The following GRM7 variants were observed in gnomAD, a reference collection of about 807,000 sequenced individuals.
GRM7 encodes the protein glutamate metabotropic receptor 7, also known as metabotropic glutamate receptor 7.
In GRM7, 35 loss-of-function variants were observed where a neutral mutation model predicts 84.5. The ratio of observed to expected loss-of-function variants is 0.41; its 90% CI spans 0.32 to 0.55. GRM7 has a LOEUF of 0.55. GRM7 is among the 20% of genes least tolerant of loss of function. The pLI is 0.19. For synonymous variants in GRM7, 487 were observed against 455.1 expected (o/e 1.07, Z -0.89); for missense variants, 1,003 against 1,194.6 (o/e 0.84, Z 2.36).
intron 1 of GRM7, among the ~76,000 whole-genome samples, chr3:7,114,113 A>T (rs561523853): frequency 6.6e-6 from 1 of 152,164 alleles, no homozygotes; most frequent in Non-Finnish European, 1.5e-5. Flanking sequence ...TGTGTGACTT[A>T]ATGGAGATAA....
intron 1 of GRM7, among the ~76,000 whole-genome samples, chr3:7,065,617 G>A (rs556692498): frequency 1.6e-4 from 24 of 152,036 alleles, no homozygotes; most frequent in Non-Finnish European, 2.2e-4. Flanking sequence ...TTGAAATCAC[G>A]TAGTGTGATT....
chr3:7,705,351 A>T (rs1307812435), intron 9 of GRM7, among the ~76,000 whole-genome samples: 1 of 152,164 alleles, frequency 6.6e-6, no homozygotes, highest in Non-Finnish European at 1.5e-5. Flanking sequence ...CCCCACAATC[A>T]TTATCTAAAC....
chr3:6,923,667 C>T (rs1559331101), intron 1 of GRM7, among the ~76,000 whole-genome samples: 4 of 152,148 alleles, frequency 2.6e-5, no homozygotes, highest in African/African-American at 4.8e-5. Context: ...AGAAACACAT[C>T]AACACTTATT....
At chr3:6,887,045 C>G (rs78045604) in intron 1 of GRM7, among the ~76,000 whole-genome samples, 3 of 151,902 alleles carry the variant, frequency 2.0e-5, no homozygotes, top group Non-Finnish European at 2.9e-5. Flanking sequence ...AACTTCCATA[C>G]ATCTGATTTG....
At position 7,021,138 on chromosome 3, in the gene GRM7, C is replaced by A. The variant is rs527338083; in HGVS notation, c.520-125314C>A. On this transcript the variant is annotated intron_variant, in intron 1 of 9. Transcript: ENST00000357716. ...AATATACTTTCTCTCTCCTCCCCAG[C>A]AAATGATGCCCCTTAAATTGATCAA... 1.9e-3 allele frequency among the ~76,000 whole-genome samples: 289 copies of A among 152,268 alleles called. 1 individual carries two copies. Among genetic ancestry groups the A allele is most frequent in the African/African-American group, 6.4e-3 (265 of 41,562 alleles).
At chr3:7,693,154 T>C (rs987834385) in intron 9 of GRM7, among the ~76,000 whole-genome samples, 34 of 152,166 alleles carry the variant, frequency 2.2e-4, no homozygotes, top group African/African-American at 8.2e-4. Context: ...TTGATGATCA[T>C]ATTTGACATC....
chr3:7,062,864 A>G (rs1410383278), intron 1 of GRM7, among the ~76,000 whole-genome samples: 5 of 151,804 alleles, frequency 3.3e-5, no homozygotes, highest in Non-Finnish European at 5.9e-5. Flanking sequence ...TGTTCATAGT[A>G]GAATAGCTCT....
At chr3:7,709,943 A>G (rs923133342) in intron 9 of GRM7, among the ~76,000 whole-genome samples, 1 of 151,984 alleles carries the variant, frequency 6.6e-6, no homozygotes, top group African/African-American at 2.4e-5. Context: ...CGCCCTCCTG[A>G]CCCAAGCTCC....
chr3:7,659,535 G>A (rs7636556), intron 8 of GRM7, among the ~76,000 whole-genome samples: 17,675 of 152,128 alleles, frequency 0.12, 1,857 homozygotes, highest in African/African-American at 0.28. Flanking sequence ...TCTCCTCATA[G>A]GTTATAAAAT....
intron 5 of GRM7, among the ~76,000 whole-genome samples, chr3:7,426,337 C>G (rs1163736483): frequency 6.6e-6 from 1 of 152,038 alleles, no homozygotes; most frequent in African/African-American, 2.4e-5. Flanking sequence ...CAGGTTTCTA[C>G]AAGACTAAAA....
chr3:7,195,529 A>G (rs1318531798), intron 2 of GRM7, among the ~76,000 whole-genome samples: 2 of 152,068 alleles, frequency 1.3e-5, no homozygotes, highest in African/African-American at 4.8e-5. Flanking sequence ...GAAATTTGGG[A>G]TTTTGGACTA....
At chr3:6,994,735 C>A (rs1320847770) in intron 1 of GRM7, among the ~76,000 whole-genome samples, 1 of 152,122 alleles carries the variant, frequency 6.6e-6, no homozygotes, top group Non-Finnish European at 1.5e-5. Context: ...GAAACAAAAT[C>A]TTTTCCAATA....
chr3:7,653,036 C>G (rs757890695), intron 8 of GRM7, among the ~76,000 whole-genome samples: 3 of 152,086 alleles, frequency 2.0e-5, no homozygotes, highest in Non-Finnish European at 4.4e-5. Flanking sequence ...AACAATCTCA[C>G]CGCCACATCA....
intron 1 of GRM7, among the ~76,000 whole-genome samples, chr3:7,005,793 C>T (rs1695163179): frequency 6.6e-6 from 1 of 152,180 alleles, no homozygotes; most frequent in African/African-American, 2.4e-5. Context: ...TATATTTCTG[C>T]TGCCTCTTTT....
chr3:7,712,752 TAAAGA>T (rs1175922284), intron 9 of GRM7, among the ~76,000 whole-genome samples: 1 of 152,178 alleles, frequency 6.6e-6, no homozygotes, highest in Non-Finnish European at 1.5e-5. Flanking sequence ...CTGTGTTACC[TAAAGA>T]AAGTATAATG....
chr3:7,352,179 C>G (rs936726214), intron 4 of GRM7, among the ~76,000 whole-genome samples: 1 of 151,230 alleles, frequency 6.6e-6, no homozygotes, highest in Admixed American at 6.6e-5. Context: ...TCTGATTAGA[C>G]CTAACATATA....
chr3:7,518,878 A>C (rs1307497870), intron 7 of GRM7, among the ~76,000 whole-genome samples: 1 of 152,264 alleles, frequency 6.6e-6, no homozygotes, highest in Non-Finnish European at 1.5e-5. Context: ...CTGTTTTAAC[A>C]TTTAAGATTT....
At chr3:7,387,140 T>A (rs1008102863) in intron 4 of GRM7, among the ~76,000 whole-genome samples, 1 of 152,300 alleles carries the variant, frequency 6.6e-6, no homozygotes, top group East Asian at 1.9e-4. Context: ...TGGTTATTTG[T>A]TTTTTTCTTG....
chr3:7,694,705 AT>A (rs1247179960), intron 9 of GRM7, among the ~76,000 whole-genome samples: 1 of 152,216 alleles, frequency 6.6e-6, no homozygotes, highest in Non-Finnish European at 1.5e-5. Context: ...GCATAAATAC[AT>A]TCAACATTTT....
Sources: gnomAD v4.1 joint callset for allele counts (sites outside exome capture counted in the v4.1 genomes callset) on GRCh38, gnomAD v4.1.1 for gene constraint, MANE v1.5 for transcripts, NCBI Gene and HGNC (gene_info 2026-07-23, HGNC 2026-07-21) for gene names.